The following OTOGL variants were observed in gnomAD, a reference collection of about 807,000 sequenced individuals.
OTOGL encodes the protein otogelin-like protein.
OTOGL carries 285 observed loss-of-function variants against 318.5 expected under a neutral mutation model. The ratio of observed to expected loss-of-function variants is 0.89; its 90% CI spans 0.81 to 0.99. OTOGL has a LOEUF of 0.99. OTOGL is among the 50% of genes least tolerant of loss of function. OTOGL has a pLI of 0.00. For synonymous variants in OTOGL, 987 were observed against 936.5 expected, an observed-to-expected ratio of 1.05 and a Z score of -0.99; for missense variants, 2,899 against 2,845.6, an observed-to-expected ratio of 1.02 and a Z score of -0.43.
chr12:80,107,475 G>A (rs556279512), intron 1 of OTOGL, among the ~76,000 whole-genome samples: 39 of 152,258 alleles, frequency 2.6e-4, no homozygotes, highest in Admixed American at 4.6e-4. Flanking sequence ...TTGCGGAGAA[G>A]AGGAAATGCT....
intron 1 of OTOGL, among the ~76,000 whole-genome samples, chr12:80,202,968 A>G (rs1876562570): frequency 6.6e-6 from 1 of 152,182 alleles, no homozygotes; most frequent in African/African-American, 2.4e-5. Flanking sequence ...CCTTATGTCA[A>G]CACATGACCT....
chr12:80,115,121 T>C (rs1870082245), intron 1 of OTOGL, among the ~76,000 whole-genome samples: 1 of 152,172 alleles, frequency 6.6e-6, no homozygotes, highest in East Asian at 1.9e-4. Flanking sequence ...TCATTCTCTG[T>C]CCAGTTTTGT....
chr12:80,122,308 C>T (rs1397922834), intron 1 of OTOGL, among the ~76,000 whole-genome samples: 1 of 152,086 alleles, frequency 6.6e-6, no homozygotes, highest in Admixed American at 6.6e-5. Flanking sequence ...TTAAGTGTCC[C>T]TGTGTTTCCT....
At chr12:80,218,922 G>A (rs1227857111) in intron 5 of OTOGL, among the ~76,000 whole-genome samples, 1 of 150,526 alleles carries the variant, frequency 6.6e-6, no homozygotes, top group Non-Finnish European at 1.5e-5. Flanking sequence ...AGCCTCCTGA[G>A]TAGCAGGGAT....
intron 46 of OTOGL, 115 bp from the exon 47 acceptor site, chr12:80,355,621 T>A: frequency 1.3e-6 from 1 of 753,648 alleles, no homozygotes; most frequent in Non-Finnish European, 2.1e-6. Flanking sequence ...AACAATAGAC[T>A]TGTGACACAT....
chr12:80,200,334 G>A (rs574086022), intron 1 of OTOGL, among the ~76,000 whole-genome samples: 1 of 152,290 alleles, frequency 6.6e-6, no homozygotes, highest in South Asian at 2.1e-4. Flanking sequence ...TGTGACTATG[G>A]AGAAACAAGG....
chr12:80,243,645 GA>G (rs1880573778), intron 11 of OTOGL, among the ~76,000 whole-genome samples: 1 of 151,266 alleles, frequency 6.6e-6, no homozygotes, highest in Non-Finnish European at 1.5e-5. Context: ...TGTATGTTGA[GA>G]AAATAATTGA....
intron 1 of OTOGL, among the ~76,000 whole-genome samples, chr12:80,115,397 C>A (rs558625654): frequency 2.0e-5 from 3 of 152,284 alleles, no homozygotes; most frequent in African/African-American, 7.2e-5. Flanking sequence ...CCACACCAGA[C>A]CCTGTTTGCC....
At chr12:80,155,651 G>A (rs894398092) in intron 1 of OTOGL, among the ~76,000 whole-genome samples, 2 of 152,106 alleles carry the variant, frequency 1.3e-5, no homozygotes, top group Admixed American at 6.5e-5. Context: ...ATTTTTAAAT[G>A]TACAATTAAA....
At chr12:80,206,087 C>T (rs967980025) in intron 1 of OTOGL, among the ~76,000 whole-genome samples, 2 of 152,170 alleles carry the variant, frequency 1.3e-5, no homozygotes, top group African/African-American at 2.4e-5. Flanking sequence ...AATATCACTT[C>T]ACAAGCTGGT....
intron 29 of OTOGL, among the ~76,000 whole-genome samples, chr12:80,308,832 C>T (rs1359962747): frequency 2.6e-5 from 4 of 152,302 alleles, no homozygotes; most frequent in Admixed American, 6.5e-5. Context: ...TCAGGTGTGG[C>T]GGCGCGCGCC....
intron 26 of OTOGL, among the ~76,000 whole-genome samples, chr12:80,290,833 C>A (rs1485160449): frequency 1.3e-5 from 2 of 152,080 alleles, no homozygotes; most frequent in Non-Finnish European, 2.9e-5. Flanking sequence ...GTAAAGCATG[C>A]CAGTAAAGAC....
At chr12:80,209,068 T>C (rs1877035130) in intron 1 of OTOGL, among the ~76,000 whole-genome samples, 1 of 152,178 alleles carries the variant, frequency 6.6e-6, no homozygotes, top group Non-Finnish European at 1.5e-5. Context: ...TGGTTATCTC[T>C]TGTGGCTTCA....
At chr12:80,209,958 T>C (rs1877119972) in intron 2 of OTOGL, among the ~76,000 whole-genome samples, 1 of 152,102 alleles carries the variant, frequency 6.6e-6, no homozygotes, top group African/African-American at 2.4e-5. Flanking sequence ...TTAAACTTTC[T>C]TCATGCCATC....
rs759337132 is a variant in OTOGL at position 80,336,981 on chromosome 12, A to G, written c.4837A>G (p.Ile1613Val). ...TGTGACAACACCCATACATAAAATA[A>G]TTGTCAATCGGTTGGCAAGAAAGGT... Reference protein sequence around the residue: ...LNVTTPIHKIIVNRLARKVEV... With the variant: ...LNVTTPIHKIVVNRLARKVEV... Residue 1613 changes from isoleucine (I) to valine (V), a missense_variant, in exon 42 of 59, where the codon ATT becomes GTT. Transcript: ENST00000547103. The G allele has an allele frequency of 6.3e-7, 1 of 1,587,910 alleles. No homozygotes were observed. The highest frequency in any genetic ancestry group is 8.6e-7 in the Non-Finnish European group (1 of 1,165,200).
intron 7 of OTOGL, among the ~76,000 whole-genome samples, chr12:80,228,488 A>C (rs192656656): frequency 9.9e-4 from 151 of 152,144 alleles, no homozygotes; most frequent in African/African-American, 3.3e-3. Context: ...ACCCCAAAAC[A>C]AAACCAAACC....
chr12:80,335,622 T>C (rs1171448110), intron 38 of OTOGL, among the ~76,000 whole-genome samples: 1 of 152,126 alleles, frequency 6.6e-6, no homozygotes, highest in African/African-American at 2.4e-5. Flanking sequence ...ATTGATATAC[T>C]AGCTTTGCAC....
Position 80,279,123 on chromosome 12 carries a change from T to C in OTOGL, c.2885T>C (p.Leu962Pro). 6.3e-7 allele frequency: 1 copy of C among 1,594,468 alleles called. No individual in the cohort carries two copies. Among genetic ancestry groups the C allele is most frequent in the Non-Finnish European group, 8.5e-7 (1 of 1,176,040 alleles). Reference protein sequence around the residue: ...GDRHYYSFDGLEYDYISDCQV... With the variant: ...GDRHYYSFDGPEYDYISDCQV... ...CGACATTATTATTCTTTTGATGGAC[T>C]AGAATATGACTATATCAGTGATTGC... Residue 962 changes from leucine to proline, a missense_variant, in exon 26 of 59, where the codon CTA becomes CCA. Transcript: ENST00000547103.
intron 53 of OTOGL, 51 bp from the exon 54 acceptor site, chr12:80,367,510 G>A: frequency 1.5e-6 from 2 of 1,353,366 alleles, no homozygotes; most frequent in Non-Finnish European, 2.0e-6. Context: ...CGATGGATTA[G>A]TACAAAACTC....
Sources: gnomAD v4.1 joint callset for allele counts (sites outside exome capture counted in the v4.1 genomes callset) on GRCh38, gnomAD v4.1.1 for gene constraint, MANE v1.5 for transcripts, NCBI Gene and HGNC (gene_info 2026-07-23, HGNC 2026-07-21) for gene names.